The following FMN1 variants were observed in gnomAD, a reference collection of about 807,000 sequenced individuals.
FMN1 encodes the protein formin-1.
FMN1 carries 110 observed loss-of-function variants against 132.4 expected under a neutral mutation model. That is an observed-to-expected ratio of 0.83 (90% confidence interval 0.71 to 0.97). FMN1 has a LOEUF of 0.97. Ranked by LOEUF, FMN1 falls within the 50% of genes least tolerant of loss-of-function variation. The pLI is 0.00. For synonymous variants in FMN1, 722 were observed against 651.7 expected, an observed-to-expected ratio of 1.11 and a Z score of -1.64; for missense variants, 1,792 against 1,705.3, an observed-to-expected ratio of 1.05 and a Z score of -0.90.
rs188290731 is a variant in FMN1 at position 32,989,603 on chromosome 15, A to C, written c.2223+18411T>G. Among the ~76,000 whole-genome samples the C allele has an allele frequency of 9.2e-5, 14 of 152,270 alleles. No individual in the cohort carries two copies. The East Asian group carries it at 2.5e-3, about 27-fold the overall frequency. On this transcript the variant is annotated intron_variant, in intron 7 of 20. Transcript: ENST00000616417. ...AAGCCAAGATAAATTGGAGGGTCTT[A>C]AATACCATGCTCAAGACTTTGAACT... is the stretch of plus-strand genomic sequence containing the variant.
At chr15:33,051,801 A>G (rs1180145525) in intron 6 of FMN1, among the ~76,000 whole-genome samples, 1 of 152,184 alleles carries the variant, frequency 6.6e-6, no homozygotes, top group Non-Finnish European at 1.5e-5. Flanking sequence ...AGCCCACTCC[A>G]AGGGAGGAAT....
At chr15:33,112,292 A>AAT (rs545457877) in intron 4 of FMN1, among the ~76,000 whole-genome samples, 1,340 of 31,364 alleles carry the variant, frequency 0.043, 19 homozygotes, top group African/African-American at 0.15. Context: ...CAGTGCATAA[A>AAT]ACAAAATATT....
At chr15:32,949,178 A>T (rs1408273224) in intron 9 of FMN1, among the ~76,000 whole-genome samples, 1 of 152,104 alleles carries the variant, frequency 6.6e-6, no homozygotes, top group Admixed American at 6.6e-5. Context: ...TTTAAAAATA[A>T]GGAAGTTTTT....
chr15:33,067,011 C>T lies in FMN1; in HGVS notation c.2044-1937G>A, dbSNP rs774505442. 7 of 1,613,984 alleles carry T rather than the reference C, an allele frequency of 4.3e-6. No individual in the cohort carries two copies. In the East Asian group the frequency reaches 1.3e-4, roughly 31 times the overall value. On this transcript the variant is annotated intron_variant, in intron 5 of 20. Coordinates refer to ENST00000616417, the MANE Select transcript of FMN1 (RefSeq NM_001277313.2). ...GGTTTAATTTCCGTGATGGTCTCTC[C>T]TCCCTCAGCGGTAGCCCCCTTCTTC...
intron 4 of FMN1, among the ~76,000 whole-genome samples, chr15:33,096,314 T>A (rs1355007022): frequency 6.6e-6 from 1 of 152,206 alleles, no homozygotes; most frequent in Non-Finnish European, 1.5e-5. Context: ...CTAGAGCCAA[T>A]AAGGCTGGTC....
intron 7 of FMN1, among the ~76,000 whole-genome samples, chr15:32,983,235 T>C (rs972677137): frequency 6.6e-6 from 1 of 152,194 alleles, no homozygotes; most frequent in Non-Finnish European, 1.5e-5. Flanking sequence ...TCAAATGCAC[T>C]CTGTTAAGTG....
chr15:32,773,095 C>T lies in FMN1; in HGVS notation c.*1215G>A, dbSNP rs994997363. 2.0e-5 allele frequency: 3 copies of T among 152,192 alleles called. No individual in the cohort carries two copies. The highest frequency in any genetic ancestry group is 1.9e-4 in the East Asian group (1 of 5,196). 9.4% of individuals were successfully genotyped at this position (152,192 alleles called of 1,614,324 possible). ...AGATTTCAGAGACGTGGCTTAAAGA[C>T]AAAAGTGTCAGAGAGGTCAAAGGTG... On this transcript the variant is annotated 3_prime_UTR_variant, in exon 21 of 21. Transcript: ENST00000616417.
At chr15:33,028,660 G>A (rs534822940) in intron 6 of FMN1, among the ~76,000 whole-genome samples, 1 of 152,284 alleles carries the variant, frequency 6.6e-6, no homozygotes, top group Non-Finnish European at 1.5e-5. Context: ...GCATGTGAAG[G>A]ATATCAGCTC....
At chr15:33,079,455 T>G (rs1394198611) in intron 5 of FMN1, among the ~76,000 whole-genome samples, 1 of 152,206 alleles carries the variant, frequency 6.6e-6, no homozygotes, top group Non-Finnish European at 1.5e-5. Context: ...AAACCCTGTC[T>G]CTACTGAAAA....
intron 6 of FMN1, among the ~76,000 whole-genome samples, chr15:33,052,227 T>C (rs943773253): frequency 1.3e-5 from 2 of 152,246 alleles, no homozygotes; most frequent in African/African-American, 4.8e-5. Context: ...CTTGAGATTC[T>C]AGTTTCCCAA....
intron 19 of FMN1, among the ~76,000 whole-genome samples, chr15:32,797,264 T>C (rs1351958893): frequency 6.6e-6 from 1 of 152,212 alleles, no homozygotes; most frequent in South Asian, 2.1e-4. Flanking sequence ...TTGTTTGTTT[T>C]AGACCATTTT....
At chr15:32,911,111 G>A (rs1455567690) in intron 10 of FMN1, among the ~76,000 whole-genome samples, 2 of 152,134 alleles carry the variant, frequency 1.3e-5, no homozygotes, top group Non-Finnish European at 2.9e-5. Context: ...CTTCAGGCAG[G>A]CTCTCATTCC....
Position 32,921,126 on chromosome 15 carries a change from A to C in FMN1, c.3226+5048T>G, listed in dbSNP as rs11856036. Among the ~76,000 whole-genome samples the C allele has an allele frequency of 5.5e-3, 831 of 152,314 alleles. 8 individuals carry two copies. Among genetic ancestry groups the C allele is most frequent in the African/African-American group, 0.019 (804 of 41,572 alleles). On this transcript the variant is annotated intron_variant, in intron 10 of 20. Coordinates refer to ENST00000616417, the MANE Select transcript of FMN1 (RefSeq NM_001277313.2). ...AAATATTAGTTGCTGTGAAGGAAAT[A>C]AGAGTATTAAATTAGGATGACCTGT...
chr15:33,068,119 A>T, intron 5 of FMN1: 1 of 1,070,390 alleles, frequency 9.3e-7, no homozygotes, highest in Non-Finnish European at 1.2e-6. Flanking sequence ...GTCTATGCCC[A>T]GAAGCAGCCG....
Position 32,847,466 on chromosome 15 carries a change from C to T in FMN1, c.3928+9549G>A, listed in dbSNP as rs556338879. ...CAGAAGACAAGGCTGGGCGTGGTGG[C>T]TCGTGCCTGTAATCCCAGCACTTTG... On this transcript the variant is annotated intron_variant, in intron 17 of 20. Transcript: ENST00000616417. 4.4e-4 allele frequency among the ~76,000 whole-genome samples: 67 copies of T among 152,184 alleles called. 1 individual carries two copies. The highest frequency in any genetic ancestry group is 8.2e-4 in the Non-Finnish European group (56 of 67,944).
intron 9 of FMN1, among the ~76,000 whole-genome samples, chr15:32,955,810 CGTGTGT>C (rs71682708): frequency 1.4e-3 from 212 of 150,206 alleles, no homozygotes; most frequent in African/African-American, 3.6e-3. Context: ...TGTGCGTGTG[CGTGTGT>C]GTGTGTGTGT....
At chr15:32,842,316 G>A (rs1013558485) in intron 17 of FMN1, among the ~76,000 whole-genome samples, 12 of 152,106 alleles carry the variant, frequency 7.9e-5, no homozygotes, top group African/African-American at 2.9e-4. Context: ...CCATCCACCC[G>A]AGCCGAGGCT....
At chr15:32,822,925 G>C (rs949615424) in intron 17 of FMN1, among the ~76,000 whole-genome samples, 11 of 152,018 alleles carry the variant, frequency 7.2e-5, no homozygotes, top group African/African-American at 1.4e-4. Flanking sequence ...TTCCTCTGTT[G>C]TTGATTCTGG....
chr15:33,175,968 A>C (rs532975500), intron 3 of FMN1, among the ~76,000 whole-genome samples: 143 of 152,372 alleles, frequency 9.4e-4, no homozygotes, highest in African/African-American at 3.4e-3. Flanking sequence ...CGAATATTGT[A>C]GCAAGATCAA....
Sources: gnomAD v4.1 joint callset for allele counts (sites outside exome capture counted in the v4.1 genomes callset) on GRCh38, gnomAD v4.1.1 for gene constraint, MANE v1.5 for transcripts, NCBI Gene and HGNC (gene_info 2026-07-23, HGNC 2026-07-21) for gene names.